Variants in MTUS2 observed in about 807,000 individuals in gnomAD.
MTUS2 encodes the protein microtubule associated scaffold protein 2.
In MTUS2, 40 loss-of-function variants were observed where a neutral mutation model predicts 114.1. The ratio of observed to expected loss-of-function variants is 0.35; its 90% CI spans 0.27 to 0.46. MTUS2 has a LOEUF of 0.46. Among genes scored for constraint, MTUS2 ranks in the 20% least tolerant of loss-of-function variants. MTUS2 has a pLI of 1.00. For missense variants in MTUS2, 1,679 were observed against 1,705.4 expected (o/e 0.98, Z 0.27); for synonymous variants, 688 against 672.0 (o/e 1.02, Z -0.37).
At chr13:28,966,724 CAA>C (rs10597818) in intron 2 of MTUS2, among the ~76,000 whole-genome samples, 1,790 of 82,238 alleles carry the variant, frequency 0.022, 19 homozygotes, top group African/African-American at 0.069. Flanking sequence ...GACCCTGTCT[CAA>C]AAAAAAAAAA....
intron 2 of MTUS2, among the ~76,000 whole-genome samples, chr13:28,996,370 G>A (rs1885103929): frequency 6.6e-6 from 1 of 152,038 alleles, no homozygotes; most frequent in African/African-American, 2.4e-5. Context: ...TTTTTTTGTT[G>A]TGTCTCTGCC....
At chr13:29,385,154 T>C (rs1872549289) in intron 8 of MTUS2, among the ~76,000 whole-genome samples, 1 of 152,220 alleles carries the variant, frequency 6.6e-6, no homozygotes, top group South Asian at 2.1e-4. Context: ...TAAGGCTGGC[T>C]GAAAATGTGC....
chr13:29,100,922 A>T lies in MTUS2; in HGVS notation c.2596A>T (p.Thr866Ser). The T allele has an allele frequency of 6.3e-7, 1 of 1,577,222 alleles. No homozygotes were observed. The highest frequency in any genetic ancestry group is 1.2e-5 in the South Asian group (1 of 85,852). Reference protein sequence around the residue: ...RSSSVSSVSSTQSGDSAQPEQ... With the variant: ...RSSSVSSVSSSQSGDSAQPEQ... ...CTCCAGCGTCTCCTCAGTCTCCAGC[A>T]CCCAGTCCGGGGACAGTGCACAGCC... Residue 866 changes from threonine to serine, a missense_variant, in exon 5 of 16, where the codon ACC becomes TCC. By Grantham distance (58) the Thr-to-Ser change is moderately conservative. This residue lies in a region of MTUS2 where 822 missense variants were observed against 899.7 expected (regional missense o/e 0.91). Transcript: ENST00000612955.
At chr13:29,444,098 C>A (rs17073391) in intron 9 of MTUS2, among the ~76,000 whole-genome samples, 6,277 of 152,158 alleles carry the variant, frequency 0.041, 411 homozygotes, top group African/African-American at 0.14. Context: ...TCCATTGTCC[C>A]AACTTCTGAG....
At chr13:29,193,689 A>G (rs781551373) in intron 5 of MTUS2, among the ~76,000 whole-genome samples, 8 of 152,208 alleles carry the variant, frequency 5.3e-5, no homozygotes, top group Admixed American at 3.9e-4. Flanking sequence ...TATAGATTCA[A>G]TGCCATCCCC....
At chr13:29,013,970 A>G (rs779924374) in intron 2 of MTUS2, among the ~76,000 whole-genome samples, 12 of 152,112 alleles carry the variant, frequency 7.9e-5, no homozygotes, top group Non-Finnish European at 1.8e-4. Flanking sequence ...ACGTCATATC[A>G]TTTTCCCTCA....
chr13:29,344,070 A>G (rs1305825761), intron 7 of MTUS2, among the ~76,000 whole-genome samples: 3 of 152,084 alleles, frequency 2.0e-5, no homozygotes, highest in Non-Finnish European at 1.5e-5. Context: ...TTTGTGGCCT[A>G]TCATGTGGTC....
At chr13:29,307,194 T>G (rs1593284865) in intron 6 of MTUS2, 2 of 534,816 alleles carry the variant, frequency 3.7e-6, no homozygotes, top group African/African-American at 3.8e-5. Context: ...CCCATGAGAA[T>G]TATGACAGCA....
intron 2 of MTUS2, among the ~76,000 whole-genome samples, chr13:29,016,640 T>C (rs773346209): frequency 2.1e-4 from 32 of 152,174 alleles, no homozygotes; most frequent in Non-Finnish European, 4.3e-4. Flanking sequence ...TACTCTTCTT[T>C]ACTACTTTCT....
chr13:29,144,557 G>A (rs1317512325), intron 5 of MTUS2, among the ~76,000 whole-genome samples: 1 of 152,078 alleles, frequency 6.6e-6, no homozygotes, highest in Non-Finnish European at 1.5e-5. Context: ...GGTCATTTGA[G>A]TTGTTGGCAG....
At chr13:28,913,407 T>G (rs1157328703) in intron 2 of MTUS2, among the ~76,000 whole-genome samples, 4 of 152,122 alleles carry the variant, frequency 2.6e-5, no homozygotes, top group African/African-American at 9.6e-5. Context: ...TTGTGTGATT[T>G]ATTACATTTA....
intron 7 of MTUS2, among the ~76,000 whole-genome samples, chr13:29,355,204 A>G (rs1425214479): frequency 6.6e-6 from 1 of 152,198 alleles, no homozygotes; most frequent in African/African-American, 2.4e-5. Flanking sequence ...TGTCCTCTCC[A>G]GTGCTCAGCC....
intron 7 of MTUS2, among the ~76,000 whole-genome samples, 168 bp from the exon 8 acceptor site, chr13:29,359,094 A>G (rs987533839): frequency 6.6e-6 from 1 of 152,200 alleles, no homozygotes; most frequent in African/African-American, 2.4e-5. Flanking sequence ...TAATGGAACA[A>G]TAATTTTAGT....
At chr13:29,007,739 TA>T (rs1371951842) in intron 2 of MTUS2, among the ~76,000 whole-genome samples, 1 of 152,236 alleles carries the variant, frequency 6.6e-6, no homozygotes, top group African/African-American at 2.4e-5. Context: ...GTTTTCTTAA[TA>T]ACATTTTCTT....
At chr13:29,031,484 C>G (rs1886828094) in intron 3 of MTUS2, among the ~76,000 whole-genome samples, 1 of 151,682 alleles carries the variant, frequency 6.6e-6, no homozygotes, top group African/African-American at 2.4e-5. Context: ...GCTGGCAAGT[C>G]AAAAATCTGC....
At chr13:28,875,123 C>T (rs1339887939) in intron 2 of MTUS2, among the ~76,000 whole-genome samples, 1 of 152,006 alleles carries the variant, frequency 6.6e-6, no homozygotes, top group East Asian at 1.9e-4. Flanking sequence ...ATAAACAAAT[C>T]TAGTAGATAA....
chr13:28,942,455 A>G (rs376760690), intron 2 of MTUS2, among the ~76,000 whole-genome samples: 2 of 152,234 alleles, frequency 1.3e-5, no homozygotes, highest in Non-Finnish European at 2.9e-5. Flanking sequence ...TAGTAATTAC[A>G]TTTTTAGGAA....
intron 9 of MTUS2, among the ~76,000 whole-genome samples, chr13:29,452,915 A>T (rs1404622330): frequency 6.6e-6 from 1 of 152,212 alleles, no homozygotes. Flanking sequence ...ATATTTAAAT[A>T]GTGGTGTATA....
rs1896202073 is a variant in MTUS2, at chr13:29,228,551, C to A, written c.2645-53153C>A. On this transcript the variant is annotated intron_variant, in intron 5 of 15. Coordinates refer to ENST00000612955, the MANE Select transcript of MTUS2 (RefSeq NM_001033602.4). ...CCCAGGCTGGTCCCAAACTCCTGGG[C>A]TCAAGCAGTCCTCCTGCCTCAGCCT... Among the ~76,000 whole-genome samples the A allele has an allele frequency of 1.3e-5, 2 of 152,132 alleles. 1 individual carries two copies. Among genetic ancestry groups the A allele is most frequent in the South Asian group, 4.1e-4 (2 of 4,834 alleles).
Sources: allele counts gnomAD v4.1 joint callset (sites outside exome capture counted in the v4.1 genomes callset), GRCh38; gene constraint gnomAD v4.1.1; regional missense constraint gnomAD v4.1.1; transcripts MANE v1.5; gene names NCBI Gene and HGNC (gene_info 2026-07-23, HGNC 2026-07-21).